Variants in AFF3 observed in about 807,000 individuals in gnomAD.
The protein encoded by AFF3 is ALF transcription elongation factor 3.
AFF3 carries 32 observed loss-of-function variants against 129.7 expected under a neutral mutation model. The observed-to-expected ratio is 0.25, with a 90% CI of 0.19 to 0.33. AFF3 has a LOEUF of 0.33. AFF3 is among the 10% of genes least tolerant of loss of function. The pLI is 1.00. For missense variants in AFF3, 1,373 were observed against 1,592.0 expected, an observed-to-expected ratio of 0.86 and a Z score of 2.34; for synonymous variants, 644 against 635.4, an observed-to-expected ratio of 1.01 and a Z score of -0.20.
intron 22 of AFF3, among the ~76,000 whole-genome samples, chr2:99,558,126 G>A (rs2104539963): frequency 6.6e-6 from 1 of 152,220 alleles, no homozygotes; most frequent in Admixed American, 6.5e-5. Context: ...GTTCTAACAA[G>A]CCATCTCTTA....
At chr2:100,010,309 T>C (rs750745328) in intron 4 of AFF3, among the ~76,000 whole-genome samples, 2 of 152,226 alleles carry the variant, frequency 1.3e-5, no homozygotes, top group Non-Finnish European at 2.9e-5. Context: ...AGAAAGTATA[T>C]GTATCATGTA....
intron 7 of AFF3, among the ~76,000 whole-genome samples, chr2:99,875,167 G>A (rs1198375521): frequency 6.6e-6 from 1 of 152,112 alleles, no homozygotes; most frequent in African/African-American, 2.4e-5. Context: ...GCCTTGTCCT[G>A]TACCATCTCC....
chr2:100,012,895 T>C (rs1337738480), intron 4 of AFF3, among the ~76,000 whole-genome samples: 1 of 152,218 alleles, frequency 6.6e-6, no homozygotes, highest in Non-Finnish European at 1.5e-5. Flanking sequence ...ATCTGCAAAG[T>C]TGCTCCTATT....
rs145012856 is a variant in AFF3 at position 99,613,646 on chromosome 2, T to C, written c.1185-12025A>G. On this transcript the variant is annotated intron_variant, in intron 13 of 24. Transcript: ENST00000672756. ...ACAGCTTTTGATTGATATACCATAA[T>C]AACTCTAGTATTTTCTGGCTTTGCT... 6.5e-3 allele frequency among the ~76,000 whole-genome samples: 990 copies of C among 152,330 alleles called. 6 individuals carry two copies. The highest frequency in any genetic ancestry group is 9.7e-3 in the Non-Finnish European group (662 of 68,032).
chr2:99,714,019 A>AACTCTCTTTTACGACCTCTTGGG (rs1279728538), intron 11 of AFF3, among the ~76,000 whole-genome samples: 1 of 152,020 alleles, frequency 6.6e-6, no homozygotes, highest in African/African-American at 2.4e-5. Context: ...TAATTTTATA[A>AACTCTCTTTTACGACCTCTTGGG]ACTCTCTTTT....
intron 8 of AFF3, among the ~76,000 whole-genome samples, chr2:99,777,193 T>C (rs757955491): frequency 1.3e-5 from 2 of 152,196 alleles, no homozygotes; most frequent in Admixed American, 6.5e-5. Flanking sequence ...ACTTCCTACA[T>C]GTAAGTCTCC....
At chr2:99,922,708 A>G (rs1695938240) in intron 7 of AFF3, among the ~76,000 whole-genome samples, 2 of 152,328 alleles carry the variant, frequency 1.3e-5, no homozygotes, top group South Asian at 4.1e-4. Context: ...ATTATACCTC[A>G]AAGAAAGTAA....
At chr2:100,026,580 G>A (rs1047809370) in intron 4 of AFF3, among the ~76,000 whole-genome samples, 5 of 151,838 alleles carry the variant, frequency 3.3e-5, no homozygotes, top group African/African-American at 7.3e-5. Context: ...GTCGTTATAC[G>A]AAAAAGATAC....
chr2:99,889,860 A>G (rs1250540189), intron 7 of AFF3, among the ~76,000 whole-genome samples: 1 of 152,060 alleles, frequency 6.6e-6, no homozygotes, highest in African/African-American at 2.4e-5. Flanking sequence ...GGGTTTCTCC[A>G]TGTTGGCCAG....
intron 1 of AFF3, among the ~76,000 whole-genome samples, chr2:100,138,311 T>A (rs764496044): frequency 6.6e-6 from 1 of 152,162 alleles, no homozygotes; most frequent in Non-Finnish European, 1.5e-5. Flanking sequence ...TTTAAATAAG[T>A]GACATCCCAA....
intron 8 of AFF3, among the ~76,000 whole-genome samples, chr2:99,790,969 C>T (rs889055509): frequency 1.3e-5 from 2 of 152,194 alleles, no homozygotes; most frequent in African/African-American, 4.8e-5. Flanking sequence ...TTCTCAGCAA[C>T]AGAAAGAACG....
chr2:99,691,942 G>C (rs1675708078), intron 11 of AFF3, among the ~76,000 whole-genome samples: 1 of 152,240 alleles, frequency 6.6e-6, no homozygotes, highest in African/African-American at 2.4e-5. Context: ...AAGAGCCCAG[G>C]AAAGGACTAA....
chr2:99,652,553 T>C (rs927047092), intron 12 of AFF3, among the ~76,000 whole-genome samples: 1 of 151,824 alleles, frequency 6.6e-6, no homozygotes. Context: ...ATAAGGGGAA[T>C]TGAGACAACT....
intron 11 of AFF3, among the ~76,000 whole-genome samples, chr2:99,673,302 G>A (rs976574558): frequency 1.3e-5 from 2 of 152,024 alleles, no homozygotes; most frequent in Admixed American, 6.6e-5. Flanking sequence ...CTACCTAGTG[G>A]GGAAAACCAA....
rs3073372 is a variant in AFF3 at position 99,733,396 on chromosome 2, A to AAACAAC, written c.1040-6274_1040-6269dup. ...CTCCGTCCAAAAAAAAAAAAAACCAAAACAACAACAACAACAACAACAAAA... is the reference window on the plus strand; with the variant it reads ...CTCCGTCCAAAAAAAAAAAAAACCAAAACAACAACAACAACAACAACAACAACAAAA... On this transcript the variant is annotated intron_variant, in intron 10 of 24. Transcript: ENST00000672756. Among the ~76,000 whole-genome samples, 305 of 144,418 alleles carry AAACAAC rather than the reference A, an allele frequency of 2.1e-3. 5 individuals carry two copies. Among genetic ancestry groups the AAACAAC allele is most frequent in the African/African-American group, 5.7e-3 (227 of 39,550 alleles). 94.7% of individuals were successfully genotyped at this position (144,418 alleles called of 152,430 possible).
At chr2:99,770,335 A>C (rs1314702758) in intron 8 of AFF3, among the ~76,000 whole-genome samples, 2 of 151,984 alleles carry the variant, frequency 1.3e-5, no homozygotes, top group African/African-American at 4.8e-5. Flanking sequence ...CCCCTCAGTC[A>C]AGTCGTGGTG....
chr2:99,591,308 G>T (rs1184460763), intron 15 of AFF3, among the ~76,000 whole-genome samples: 1 of 152,026 alleles, frequency 6.6e-6, no homozygotes, highest in Non-Finnish European at 1.5e-5. Context: ...TGTCTCAGCT[G>T]CCTGAGTAGC....
chr2:99,942,555 G>T (rs966134905), intron 7 of AFF3, among the ~76,000 whole-genome samples: 5 of 137,690 alleles, frequency 3.6e-5, no homozygotes, highest in African/African-American at 1.3e-4. Context: ...GGCGGGGGGG[G>T]GGTCGCGGCA....
chr2:100,007,692 C>CTTG (rs1300783415), intron 5 of AFF3: 1 of 542,312 alleles, frequency 1.8e-6, no homozygotes, highest in Non-Finnish European at 3.3e-6. Context: ...TCTATCCGGC[C>CTTG]GGGCGCGGTG....
Sources: allele counts gnomAD v4.1 joint callset (sites outside exome capture counted in the v4.1 genomes callset), GRCh38; gene constraint gnomAD v4.1.1; transcripts MANE v1.5; gene names NCBI Gene and HGNC (gene_info 2026-07-23, HGNC 2026-07-21).